SNX29: variants seen among roughly 807,000 people sequenced by gnomAD.
The protein encoded by SNX29 is sorting nexin-29.
In SNX29, 78 loss-of-function variants were observed where a neutral mutation model predicts 102.1. That is an observed-to-expected ratio of 0.76 (90% CI 0.64 to 0.92). SNX29 has a LOEUF of 0.92. SNX29 is among the 40% of genes least tolerant of loss of function. The pLI is 0.00. For synonymous variants in SNX29, 580 were observed against 414.5 expected, an observed-to-expected ratio of 1.40 and a Z score of -4.85; for missense variants, 1,280 against 1,061.7, an observed-to-expected ratio of 1.21 and a Z score of -2.86.
chr16:11,987,403 CTTTTTT>C (rs34572926), intron 1 of SNX29, among the ~76,000 whole-genome samples: 1 of 107,292 alleles, frequency 9.3e-6, no homozygotes. Flanking sequence ...GACTTTTACT[CTTTTTT>C]TTTTTTTTTT....
In SNX29 at chr16:12,136,505, A is replaced by T. The variant is rs901887958; in HGVS notation, c.1595+6747A>T. Among the ~76,000 whole-genome samples the T allele has an allele frequency of 2.0e-5, 3 of 152,188 alleles. No individual in the cohort carries two copies. The East Asian group carries it at 5.8e-4, about 29-fold the overall frequency. ...GATTTTTTTCTTGCAGTAGCTGGGA[A>T]ATCCAAGGACAGGTCACTTTCTTCA... On this transcript the variant is annotated intron_variant, in intron 13 of 20. Transcript: ENST00000566228.
At chr16:12,180,313 G>C (rs764996300) in intron 13 of SNX29, among the ~76,000 whole-genome samples, 3 of 152,070 alleles carry the variant, frequency 2.0e-5, no homozygotes, top group African/African-American at 7.2e-5. Flanking sequence ...TGGTTCTGGC[G>C]TACGTTGTTC....
chr16:12,194,226 T>C (rs893444666), intron 13 of SNX29, among the ~76,000 whole-genome samples: 4 of 152,232 alleles, frequency 2.6e-5, no homozygotes, highest in African/African-American at 9.6e-5. Context: ...TATATGAATG[T>C]ATTTCATCTT....
intron 13 of SNX29, among the ~76,000 whole-genome samples, chr16:12,176,510 C>T (rs1423279521): frequency 6.6e-6 from 1 of 152,094 alleles, no homozygotes; most frequent in Non-Finnish European, 1.5e-5. Context: ...AATATCAATA[C>T]AATAATAGAA....
chr16:12,544,740 G>T (rs1200369493), intron 20 of SNX29, among the ~76,000 whole-genome samples: 11 of 152,324 alleles, frequency 7.2e-5, no homozygotes, highest in South Asian at 4.1e-4. Flanking sequence ...TCGGCCCAGA[G>T]AGGTGAAGGG....
In SNX29 at chr16:12,098,772, A is replaced by G. The variant is rs2052880213; in HGVS notation, c.1402+19857A>G. The stretch of plus-strand genomic sequence containing the variant: ...GAAAACAGAGCTTTGAACCTGTGGG[A>G]AGGTGGGCTTACAAAACCTCGTCCC... On this transcript the variant is annotated intron_variant, in intron 11 of 20. Transcript: ENST00000566228. The surrounding 1 kb of genome is among the most constrained non-coding windows in gnomAD (Gnocchi z 6.0). Among the ~76,000 whole-genome samples the G allele has an allele frequency of 6.6e-6, 1 of 152,188 alleles. No individual in the cohort carries two copies. The highest frequency in any genetic ancestry group is 1.5e-5 in the Non-Finnish European group (1 of 68,020).
At chr16:12,424,906 C>G (rs557948996) in intron 18 of SNX29, among the ~76,000 whole-genome samples, 1 of 152,292 alleles carries the variant, frequency 6.6e-6, no homozygotes, top group South Asian at 2.1e-4. Flanking sequence ...TAATCAACCA[C>G]ATCAATAAAT....
chr16:12,050,751 A>C (rs1381077309), intron 7 of SNX29, among the ~76,000 whole-genome samples: 5 of 151,844 alleles, frequency 3.3e-5, no homozygotes, highest in African/African-American at 1.2e-4. Context: ...TCGCTCTGTC[A>C]CCCAGACTGG....
intron 13 of SNX29, among the ~76,000 whole-genome samples, chr16:12,137,507 A>G (rs1429429207): frequency 6.6e-6 from 1 of 152,164 alleles, no homozygotes; most frequent in Non-Finnish European, 1.5e-5. Flanking sequence ...AGTGTTGTGC[A>G]TGTGAGATTG....
chr16:12,364,113 C>G (rs2082382449), intron 16 of SNX29, among the ~76,000 whole-genome samples: 1 of 152,022 alleles, frequency 6.6e-6, no homozygotes, highest in Admixed American at 6.6e-5. Context: ...CTGCCTCAGT[C>G]TCTGGAGTAG....
Position 11,976,745 on chromosome 16 carries a change from G to C in SNX29, c.-62G>C, listed in dbSNP as rs1191714314. ...CTGTCTCCCGGCCTGTCTGGAGCTCGGCAGCCGCAGAAGCGGCAGCGGCGG... is the reference window on the plus strand; with the variant it reads ...CTGTCTCCCGGCCTGTCTGGAGCTCCGCAGCCGCAGAAGCGGCAGCGGCGG... On this transcript the variant is annotated 5_prime_UTR_variant, in exon 1 of 21. Transcript: ENST00000566228. 1.5e-5 allele frequency: 18 copies of C among 1,220,832 alleles called. No homozygotes were observed. The highest frequency in any genetic ancestry group is 4.6e-5 in the South Asian group (2 of 43,048). The allele number at this position is 1,220,832 out of a possible 1,614,324, so 75.6% of individuals were successfully genotyped here.
In SNX29 at chr16:12,319,076, G is replaced by A. The variant is rs181975125; in HGVS notation, c.1783-37087G>A. 1.1e-4 allele frequency among the ~76,000 whole-genome samples: 17 copies of A among 152,188 alleles called. No homozygotes were observed. The East Asian group carries it at 1.4e-3, about 12-fold the overall frequency. On this transcript the variant is annotated intron_variant, in intron 15 of 20. Transcript: ENST00000566228. ...CCCAGTAAAACTTGTTTAATCCTTC[G>A]TTATCTTGTCATGCTTCAAGGCCCA...
At chr16:12,048,671 G>C in intron 7 of SNX29, 51 bp downstream of exon 7, 1 of 1,613,736 alleles carries the variant, frequency 6.2e-7, no homozygotes, top group Non-Finnish European at 8.5e-7. Context: ...AGAATGTGGC[G>C]GATGGGGTGG....
At chr16:12,251,562 G>T (rs1288157337) in intron 14 of SNX29, among the ~76,000 whole-genome samples, 1 of 152,064 alleles carries the variant, frequency 6.6e-6, no homozygotes, top group African/African-American at 2.4e-5. Flanking sequence ...AATTAGCCGG[G>T]CATGGTGGCA....
intron 15 of SNX29, among the ~76,000 whole-genome samples, chr16:12,304,343 G>A (rs754388027): frequency 3.3e-5 from 5 of 152,188 alleles, no homozygotes; most frequent in Non-Finnish European, 7.3e-5. Flanking sequence ...CGAGATCTTG[G>A]CTCACTGCAG....
At chr16:12,201,917 C>T (rs934797707) in intron 14 of SNX29, among the ~76,000 whole-genome samples, 1 of 152,122 alleles carries the variant, frequency 6.6e-6, no homozygotes, top group African/African-American at 2.4e-5. Flanking sequence ...GTTCCATATG[C>T]CCATTCTCCC....
At chr16:12,391,482 C>A (rs1045465516) in intron 16 of SNX29, among the ~76,000 whole-genome samples, 3 of 152,126 alleles carry the variant, frequency 2.0e-5, no homozygotes, top group African/African-American at 7.2e-5. Flanking sequence ...CAAAAACTTT[C>A]CAGGATTTTG....
intron 3 of SNX29, among the ~76,000 whole-genome samples, chr16:12,006,484 C>G (rs565977364): frequency 6.7e-6 from 1 of 149,580 alleles, no homozygotes; most frequent in East Asian, 1.9e-4. Flanking sequence ...CCATTGCGTT[C>G]CAGCCTGGGC....
At chr16:12,425,308 G>A (rs527809796) in intron 18 of SNX29, among the ~76,000 whole-genome samples, 93 of 152,162 alleles carry the variant, frequency 6.1e-4, no homozygotes, top group African/African-American at 2.0e-3. Context: ...TGGATGTGGC[G>A]GGTTAAGCAA....
Sources: allele counts gnomAD v4.1 joint callset (sites outside exome capture counted in the v4.1 genomes callset), GRCh38; gene constraint gnomAD v4.1.1; non-coding constraint Gnocchi (gnomAD v3.1); transcripts MANE v1.5; gene names NCBI Gene and HGNC (gene_info 2026-07-23, HGNC 2026-07-21).